KDELR1: variants seen among roughly 807,000 people sequenced by gnomAD.
The protein encoded by KDELR1 is ER lumen protein-retaining receptor 1.
KDELR1 carries 16 observed loss-of-function variants against 25.5 expected under a neutral mutation model. The ratio of observed to expected loss-of-function variants is 0.63; its 90% confidence interval spans 0.43 to 0.95. KDELR1 has a LOEUF of 0.95. Among genes scored for constraint, KDELR1 ranks in the 40% least tolerant of loss-of-function variants. The probability of loss-of-function intolerance (pLI) is 0.00; values close to 1 mark genes in which losing one functional copy is unlikely to be tolerated. For synonymous variants in KDELR1, 121 were observed against 115.0 expected (o/e 1.05, Z -0.33); for missense variants, 159 against 265.2 (o/e 0.60, Z 2.78).
At chr19:48,389,797 C>T in intron 2 of KDELR1, 86 bp from the exon 3 acceptor site, 2 of 1,463,764 alleles carry the variant, frequency 1.4e-6, no homozygotes, top group South Asian at 2.4e-5. Context: ...GCCCCTCCCT[C>T]AGACGCAGGA....
At chr19:48,396,166 T>C (rs1970637389), upstream of KDELR1, among the ~76,000 whole-genome samples, 1 of 148,352 alleles carries the variant, frequency 6.7e-6, no homozygotes, top group Admixed American at 6.7e-5. Context: ...CATGAGGAGG[T>C]AGAGATGGAG....
the KDELR1 span, among the ~76,000 whole-genome samples, chr19:48,397,036 G>C: frequency 6.6e-6 from 1 of 152,122 alleles, no homozygotes; most frequent in Non-Finnish European, 1.5e-5. Flanking sequence ...CACAGGAAGA[G>C]AGGCTGTATT....
chr19:48,390,414 G>A lies in KDELR1; in HGVS notation c.192+10C>T. On this transcript the variant is annotated intron_variant, in intron 2 of 4. Transcript: ENST00000330720. Reference sequence around the variant, plus strand: ...CAGTGGGGGCCAGAGAGGTGGGGTGGAGCCTCTACCTTCATACACGTGTTG... The same window carrying A: ...CAGTGGGGGCCAGAGAGGTGGGGTGAAGCCTCTACCTTCATACACGTGTTG... The A allele has an allele frequency of 6.2e-7, 1 of 1,602,498 alleles. No homozygotes were observed. Among genetic ancestry groups the A allele is most frequent in the Non-Finnish European group, 8.5e-7 (1 of 1,169,620 alleles).
In KDELR1 at chr19:48,384,640, C is replaced by G. The variant is rs1014044662; in HGVS notation, c.352-158G>C. On this transcript the variant is annotated intron_variant, in intron 3 of 4. Transcript: ENST00000330720. The surrounding 1 kb of genome is among the most constrained non-coding windows in gnomAD (Gnocchi z 4.6). ...CACAGTTCTGCCCGAGTTACTGGTA[C>G]CTCTGATTTAATCATCACCATGGCC... Among the ~76,000 whole-genome samples the G allele has an allele frequency of 6.6e-6, 1 of 152,102 alleles. No individual in the cohort carries two copies. Among genetic ancestry groups the G allele is most frequent in the Non-Finnish European group, 1.5e-5 (1 of 68,028 alleles).
Position 48,391,516 on chromosome 19 carries a change from A to C in KDELR1, c.-158T>G. 1 of 616,910 alleles carries C rather than the reference A, an allele frequency of 1.6e-6. No homozygotes were observed. Among genetic ancestry groups the C allele is most frequent in the East Asian group, 2.8e-5 (1 of 35,160 alleles). 38.2% of individuals were successfully genotyped at this position (616,910 alleles called of 1,614,324 possible). A position where few individuals can be genotyped will look rare whatever the true frequency, so the allele number is the denominator to read the frequency against. On this transcript the variant is annotated 5_prime_UTR_variant, in exon 1 of 5. Coordinates refer to ENST00000330720, the MANE Select transcript of KDELR1 (RefSeq NM_006801.3). ...GGAGGGGACTTTGGGAGGGGGAGCA[A>C]AGGCTGGAGCTGGCGGCGGAGCTGG...
chr19:48,384,357 G>A lies in KDELR1; in HGVS notation c.477C>T (p.Arg159=), dbSNP rs766927623. 3 of 1,614,232 alleles carry A rather than the reference G, an allele frequency of 1.9e-6. No homozygotes were observed. The South Asian group carries it at 3.3e-5, about 18-fold the overall frequency. ...SHYLFALGVY[R]TLYLFNWIWR... is the part of the protein sequence containing the mutation. The stretch of plus-strand genomic sequence containing the variant: ...AGATCCAGTTGAAGAGATAGAGCGT[G>A]CGGTAAACGCCTAGCGCAAACAAGT... The change falls in exon 4 of 5, where the codon CGC becomes CGT. Residue 159 remains arginine, a synonymous_variant. Transcript: ENST00000330720. The surrounding 1 kb of genome is among the most constrained non-coding windows in gnomAD (Gnocchi z 4.6).
chr19:48,392,944 C>G (rs1055144705), upstream of KDELR1, among the ~76,000 whole-genome samples: 1 of 152,236 alleles, frequency 6.6e-6, no homozygotes, highest in Non-Finnish European at 1.5e-5. Context: ...GTCTGGACTC[C>G]TGCATCTATG....
intron 3 of KDELR1, among the ~76,000 whole-genome samples, chr19:48,387,058 A>G (rs1414476090): frequency 1.5e-5 from 2 of 133,200 alleles, no homozygotes; most frequent in Admixed American, 7.8e-5. Flanking sequence ...GTGACACAGC[A>G]AGACTTAAAA....
intron 1 of KDELR1, 141 bp downstream of exon 1, chr19:48,391,127 G>T: frequency 1.3e-6 from 1 of 740,812 alleles, no homozygotes; most frequent in Non-Finnish European, 2.3e-6. Context: ...TGGAGACCCA[G>T]AACCTAGAAG....
At chr19:48,393,714 C>G (rs987438182), upstream of KDELR1, among the ~76,000 whole-genome samples, 13 of 152,036 alleles carry the variant, frequency 8.6e-5, no homozygotes, top group Non-Finnish European at 1.6e-4. The surrounding 1 kb of genome is among the most constrained non-coding windows in gnomAD (Gnocchi z 5.6). Context: ...GTGTGTGAGT[C>G]CCTCCCGCTC....
At chr19:48,395,893 C>T (rs1474923307), upstream of KDELR1, among the ~76,000 whole-genome samples, 1 of 152,014 alleles carries the variant, frequency 6.6e-6, no homozygotes, top group Non-Finnish European at 1.5e-5. Context: ...GGAGGCTGGG[C>T]ACTGGAGTTC....
upstream of KDELR1, among the ~76,000 whole-genome samples, chr19:48,392,136 A>T (rs567359247): frequency 1.0e-3 from 138 of 131,946 alleles, 1 homozygote; most frequent in African/African-American, 3.7e-3. Flanking sequence ...CCAGGAGTCC[A>T]GGCCCCCAGC....
upstream of KDELR1, among the ~76,000 whole-genome samples, chr19:48,396,551 C>T (rs1247595653): frequency 1.5e-5 from 2 of 135,530 alleles, no homozygotes; most frequent in Non-Finnish European, 3.2e-5. Context: ...TATTTTGGGG[C>T]GGAGTGGGGG....
At position 48,383,331 on chromosome 19, in the gene KDELR1, T is replaced by C. The variant is rs1970471294; in HGVS notation, c.605-4A>G. On this transcript the variant is annotated splice_polypyrimidine_tract_variant and splice_region_variant and intron_variant, in intron 4 of 4. Transcript: ENST00000330720. ...CTCAACTTCTTCCCCTTTAGGACTG[T>C]GAGGAGAGAAAACAGGGAGGGCATT... The C allele has an allele frequency of 1.3e-6, 2 of 1,551,818 alleles. No homozygotes were observed. The highest frequency in any genetic ancestry group is 1.7e-6 in the Non-Finnish European group (2 of 1,147,100).
rs952864496 is a variant in KDELR1 at position 48,386,872 on chromosome 19, C to G, written c.352-2390G>C. Among the ~76,000 whole-genome samples the G allele has an allele frequency of 9.2e-5, 14 of 151,836 alleles. No individual in the cohort carries two copies. In the South Asian group the frequency reaches 1.7e-3, roughly 18 times the overall value. On this transcript the variant is annotated intron_variant, in intron 3 of 4. Coordinates refer to ENST00000330720, the MANE Select transcript of KDELR1 (RefSeq NM_006801.3). ...ACTTGAGGCCAGGAGTTCAAGATCA[C>G]CCTGGTCAACATAGCAAAACCCTGT...
chr19:48,392,184 C>A (rs1236460057), upstream of KDELR1, among the ~76,000 whole-genome samples: 1 of 147,366 alleles, frequency 6.8e-6, no homozygotes, highest in East Asian at 2.0e-4. Context: ...CCCCCAGCCT[C>A]CTCCCTCAGA....
chr19:48,391,173 G>T, intron 1 of KDELR1, 95 bp downstream of exon 1: 2 of 1,038,914 alleles, frequency 1.9e-6, no homozygotes, highest in Non-Finnish European at 2.9e-6. Flanking sequence ...TGGAACCTGT[G>T]CCCCTAGTGC....
Position 48,382,808 on chromosome 19 carries a change from T to A in KDELR1, c.*485A>T, listed in dbSNP as rs148891438. ...CTTCCTGGGCCTCCCTTTCTCCCTA[T>A]CCCCAATCTAGAAATTTAGTGGGGG... On this transcript the variant is annotated 3_prime_UTR_variant, in exon 5 of 5. Coordinates refer to ENST00000330720, the MANE Select transcript of KDELR1 (RefSeq NM_006801.3). 2,728 of 153,488 alleles carry A rather than the reference T, an allele frequency of 0.018. 88 individuals are homozygous for A. The highest frequency in any genetic ancestry group is 0.063 in the African/African-American group (2,593 of 41,422). 9.5% of individuals were successfully genotyped at this position (153,488 alleles called of 1,614,324 possible). A position where few individuals can be genotyped will look rare whatever the true frequency, so the allele number is the denominator to read the frequency against.
upstream of KDELR1, among the ~76,000 whole-genome samples, chr19:48,395,106 C>G (rs1018113659): frequency 1.3e-4 from 20 of 152,082 alleles, no homozygotes; most frequent in Middle Eastern, 3.4e-3. Context: ...TCCACCCTCT[C>G]TCTCTCCCTC....
Sources: gnomAD v4.1 joint callset for allele counts (sites outside exome capture counted in the v4.1 genomes callset) on GRCh38, gnomAD v4.1.1 for gene constraint, Gnocchi (gnomAD v3.1) non-coding constraint, MANE v1.5 for transcripts, NCBI Gene and HGNC (gene_info 2026-07-23, HGNC 2026-07-21) for gene names.